ATRNL1: variants seen among roughly 807,000 people sequenced by gnomAD.
ATRNL1 encodes the protein attractin-like protein 1.
Under a neutral mutation model 182.7 loss-of-function variants are expected in ATRNL1, and 95 were observed. That is an observed-to-expected ratio of 0.52 (90% CI 0.44 to 0.62). ATRNL1 has a LOEUF of 0.62. Ranked by LOEUF, ATRNL1 falls within the 20% of genes least tolerant of loss-of-function variation. The probability of loss-of-function intolerance (pLI) is 0.00; values close to 1 mark genes in which losing one functional copy is unlikely to be tolerated. For missense variants in ATRNL1, 1,471 were observed against 1,679.5 expected (o/e 0.88, Z 2.17); for synonymous variants, 576 against 568.3 (o/e 1.01, Z -0.19).
intron 26 of ATRNL1, among the ~76,000 whole-genome samples, chr10:115,708,426 T>C (rs879986965): frequency 2.0e-5 from 3 of 151,772 alleles, no homozygotes; most frequent in Non-Finnish European, 4.4e-5. Context: ...AAGTGTGATC[T>C]TCCTAAGGGG....
intron 9 of ATRNL1, among the ~76,000 whole-genome samples, chr10:115,233,016 C>G (rs902094115): frequency 2.0e-5 from 3 of 152,026 alleles, no homozygotes; most frequent in Non-Finnish European, 2.9e-5. Flanking sequence ...ATCCTTCTAG[C>G]CTTTTCCATC....
chr10:115,332,924 G>A (rs1855299480), intron 18 of ATRNL1, among the ~76,000 whole-genome samples: 1 of 151,990 alleles, frequency 6.6e-6, no homozygotes, highest in Non-Finnish European at 1.5e-5. Flanking sequence ...CTCCATCTTA[G>A]AATCAGTCCT....
intron 20 of ATRNL1, among the ~76,000 whole-genome samples, chr10:115,397,898 A>G (rs2453212): frequency 0.39 from 59,004 of 151,682 alleles, 12,624 homozygotes; most frequent in African/African-American, 0.57. Context: ...TAATCAAATG[A>G]CCACAAATCT....
chr10:115,198,313 T>A, intron 8 of ATRNL1, among the ~76,000 whole-genome samples: 1 of 152,206 alleles, frequency 6.6e-6, no homozygotes, highest in East Asian at 1.9e-4. Flanking sequence ...TGTATCTTCT[T>A]TTGAGAAATG....
intron 25 of ATRNL1, among the ~76,000 whole-genome samples, chr10:115,545,522 G>A (rs1368197699): frequency 6.6e-6 from 1 of 152,082 alleles, no homozygotes; most frequent in African/African-American, 2.4e-5. Flanking sequence ...GTGAGATTAT[G>A]AAAATTGTAT....
At chr10:115,943,640 C>T (rs1476592198) in intron 28 of ATRNL1, among the ~76,000 whole-genome samples, 1 of 144,896 alleles carries the variant, frequency 6.9e-6, no homozygotes, top group East Asian at 2.2e-4. Context: ...TAAACTAAAA[C>T]ATAAGCTTAC....
chr10:115,364,849 C>G (rs1350056932), intron 19 of ATRNL1, among the ~76,000 whole-genome samples: 8 of 150,398 alleles, frequency 5.3e-5, no homozygotes, highest in Non-Finnish European at 1.0e-4. Context: ...TTGAACCAGC[C>G]TTGCATCCCA....
chr10:115,380,376 T>A (rs1554950750), intron 19 of ATRNL1, among the ~76,000 whole-genome samples: 1 of 152,202 alleles, frequency 6.6e-6, no homozygotes, highest in Non-Finnish European at 1.5e-5. Flanking sequence ...TTCATACATT[T>A]AAAAAATTAC....
Position 115,303,435 on chromosome 10 carries a change from C to G in ATRNL1, c.2818+1392C>G, listed in dbSNP as rs966097907. Among the ~76,000 whole-genome samples, 21 of 152,082 alleles carry G rather than the reference C, an allele frequency of 1.4e-4. No homozygotes were observed. In the South Asian group the frequency reaches 1.5e-3, roughly 11 times the overall value. ...AGATGGGGTTTCACTGTTGGCCAGGCTGATCTCGAACTCCTGACCTCATGA... is the reference window on the plus strand; with the variant it reads ...AGATGGGGTTTCACTGTTGGCCAGGGTGATCTCGAACTCCTGACCTCATGA... On this transcript the variant is annotated intron_variant, in intron 17 of 28. Transcript: ENST00000355044.
chr10:115,813,800 G>A (rs1038914139), intron 27 of ATRNL1, among the ~76,000 whole-genome samples: 22 of 152,048 alleles, frequency 1.4e-4, no homozygotes, highest in Non-Finnish European at 3.2e-4. Context: ...GAAAAATGTG[G>A]TTGGTCTATT....
intron 28 of ATRNL1, among the ~76,000 whole-genome samples, chr10:115,851,933 C>T (rs1208769676): frequency 6.6e-6 from 1 of 152,166 alleles, no homozygotes; most frequent in African/African-American, 2.4e-5. Context: ...AGCATGTCTC[C>T]AGTCACCCCG....
chr10:115,857,716 A>G (rs1290160628), intron 28 of ATRNL1, among the ~76,000 whole-genome samples: 6 of 152,234 alleles, frequency 3.9e-5, no homozygotes, highest in African/African-American at 1.4e-4. Context: ...AGCTTAAAGA[A>G]TAGTGAAAAT....
At chr10:115,188,143 A>G (rs1291386658) in intron 8 of ATRNL1, among the ~76,000 whole-genome samples, 1 of 152,020 alleles carries the variant, frequency 6.6e-6, no homozygotes, top group Non-Finnish European at 1.5e-5. Context: ...AACGGGAAAA[A>G]TATTGACAAT....
intron 17 of ATRNL1, among the ~76,000 whole-genome samples, chr10:115,308,665 A>G (rs1853859316): frequency 6.6e-6 from 1 of 152,112 alleles, no homozygotes; most frequent in African/African-American, 2.4e-5. Context: ...TATTTCATAC[A>G]AGTCCTTATA....
At chr10:115,282,701 T>C (rs920167886) in intron 14 of ATRNL1, among the ~76,000 whole-genome samples, 16 of 152,154 alleles carry the variant, frequency 1.1e-4, no homozygotes, top group South Asian at 1.0e-3. Context: ...TTAAGTGATA[T>C]GCTCAAAATT....
At chr10:115,274,768 T>G (rs1030297560) in intron 13 of ATRNL1, among the ~76,000 whole-genome samples, 2 of 152,176 alleles carry the variant, frequency 1.3e-5, no homozygotes, top group Non-Finnish European at 2.9e-5. Context: ...TCTGGTGATC[T>G]TTACTAACAA....
intron 14 of ATRNL1, 74 bp from the exon 15 acceptor site, chr10:115,286,142 G>T: frequency 1.5e-6 from 1 of 688,330 alleles, no homozygotes; most frequent in Non-Finnish European, 2.5e-6. Context: ...AAATACAGAA[G>T]TACTTTGAAA....
intron 20 of ATRNL1, among the ~76,000 whole-genome samples, chr10:115,422,610 G>A (rs1417192959): frequency 6.6e-6 from 1 of 152,266 alleles, no homozygotes; most frequent in South Asian, 2.1e-4. Context: ...TAGCCACTGT[G>A]GAAAGCAGTT....
intron 25 of ATRNL1, among the ~76,000 whole-genome samples, chr10:115,545,400 A>T (rs1419585012): frequency 6.6e-6 from 1 of 152,174 alleles, no homozygotes; most frequent in Non-Finnish European, 1.5e-5. Flanking sequence ...TATTGATTTT[A>T]GTAGCCAAGT....
Sources: gnomAD v4.1 joint callset for allele counts (sites outside exome capture counted in the v4.1 genomes callset) on GRCh38, gnomAD v4.1.1 for gene constraint, MANE v1.5 for transcripts, NCBI Gene and HGNC (gene_info 2026-07-23, HGNC 2026-07-21) for gene names.